Variants in SOX30 observed in about 807,000 individuals in gnomAD.
SOX30 encodes the protein SRY-box transcription factor 30.
A neutral mutation model predicts 58.6 loss-of-function variants in SOX30; 17 were observed. The ratio of observed to expected loss-of-function variants is 0.29; its 90% CI spans 0.20 to 0.44. The LOEUF is 0.44. SOX30 is among the 20% of genes least tolerant of loss of function. The probability of loss-of-function intolerance (pLI) is 1.00; values close to 1 mark genes in which losing one functional copy is unlikely to be tolerated. For synonymous variants in SOX30, 421 were observed against 400.2 expected (o/e 1.05, Z -0.62); for missense variants, 951 against 965.8 (o/e 0.98, Z 0.20).
chr5:157,649,923 A>G (rs796997344), intron 1 of SOX30, among the ~76,000 whole-genome samples: 18 of 152,270 alleles, frequency 1.2e-4, no homozygotes, highest in Middle Eastern at 6.8e-3. Flanking sequence ...AATTTTTTTG[A>G]AAGTCAGAGA....
chr5:157,667,849 T>C (rs1169102537), exon 2 of SOX30: 8 of 1,535,448 alleles, frequency 5.2e-6, no homozygotes, highest in Non-Finnish European at 7.0e-6. Flanking sequence ...CATTTCTCCA[T>C]GACCTGGAAC....
chr5:157,652,055 C>A lies in SOX30; in HGVS notation c.24G>T (p.Pro8=). The part of the protein sequence containing the change: MERARPE[P]PPQPRPLRPA... ...GACGCAACGGGCGCGGCTGAGGCGG[C>A]GGCTCGGGTCTGGCTCTCTCCATGG... The change falls in exon 1 of 5, where the codon CCG becomes CCT. Residue 8 remains proline (P), a synonymous_variant. Transcript: ENST00000265007. 7.0e-7 allele frequency: 1 copy of A among 1,420,660 alleles called. No homozygotes were observed. The highest frequency in any genetic ancestry group is 9.1e-7 in the Non-Finnish European group (1 of 1,095,744). The allele number at this position is 1,420,660 out of a possible 1,614,324, so 88.0% of individuals were successfully genotyped here.
chr5:157,662,014 A>G (rs1344427348), intron 2 of SOX30, among the ~76,000 whole-genome samples: 1 of 152,180 alleles, frequency 6.6e-6, no homozygotes, highest in Non-Finnish European at 1.5e-5. Context: ...TAATTTAATT[A>G]AACGCTTTAA....
rs375050064 is a variant in SOX30, at chr5:157,651,101, C to T, written c.967+11G>A. ...CAGTTTTGAAAACCCGACTCCCCTG[C>T]TGTCTAATACCTGCATCTGAGGGCA... On this transcript the variant is annotated intron_variant, in intron 1 of 4. Transcript: ENST00000265007. 2.8e-5 allele frequency: 43 copies of T among 1,514,058 alleles called. No homozygotes were observed. The African/African-American group carries it at 3.1e-4, about 11-fold the overall frequency. The allele number at this position is 1,514,058 out of a possible 1,614,324, so 93.8% of individuals were successfully genotyped here.
In SOX30 at chr5:157,651,169, G is replaced by T. The variant is rs1188838861; in HGVS notation, c.910C>A (p.Pro304Thr). The T allele has an allele frequency of 3.1e-6, 5 of 1,587,948 alleles. No individual in the cohort carries two copies. Among genetic ancestry groups the T allele is most frequent in the Admixed American group, 1.8e-5 (1 of 54,648 alleles). Residue 304 changes from proline (P) to threonine (T), a missense_variant, in exon 1 of 5, where the codon CCT (proline) becomes ACT (threonine). By Grantham distance (38) the Pro-to-Thr change is conservative (BLOSUM62 -1). This residue lies in a region of SOX30 where 60 missense variants were observed against 74.0 expected (regional missense o/e 0.81). Coordinates refer to ENST00000265007, the MANE Select transcript of SOX30 (RefSeq NM_178424.2). ...VPTKMQSLLEPSVKIETKDVP... is the reference protein window; with the variant it reads ...VPTKMQSLLETSVKIETKDVP... ...TCTTTGGTTTCAATTTTTACAGAAG[G>T]CTCCAGTAGGGACTGCATTTTAGTA... is the stretch of plus-strand genomic sequence containing the variant.
At chr5:157,666,475 GTAGACACACA>G (rs1021353361) in intron 2 of SOX30, among the ~76,000 whole-genome samples, 1 of 114,946 alleles carries the variant, frequency 8.7e-6, no homozygotes, top group African/African-American at 3.4e-5. Context: ...CTTTAGTCCA[GTAGACACACA>G]CACACACACA....
chr5:157,655,539 G>T (rs947876231), upstream of SOX30, among the ~76,000 whole-genome samples: 1 of 152,186 alleles, frequency 6.6e-6, no homozygotes, highest in African/African-American at 2.4e-5. Context: ...CGGATGACAG[G>T]GTTAGGCAGG....
chr5:157,642,211 G>A (rs1021415123), intron 3 of SOX30, among the ~76,000 whole-genome samples: 2 of 152,006 alleles, frequency 1.3e-5, no homozygotes, highest in African/African-American at 4.8e-5. Flanking sequence ...AGCTATTCAG[G>A]AGGCTGAGGC....
intron 2 of SOX30, among the ~76,000 whole-genome samples, chr5:157,664,839 A>G (rs1425977286): frequency 1.3e-5 from 2 of 152,256 alleles, no homozygotes; most frequent in Non-Finnish European, 2.9e-5. Flanking sequence ...CAACAGACAC[A>G]TGAAAAAATG....
chr5:157,649,057 T>C (rs1481171774), intron 1 of SOX30, among the ~76,000 whole-genome samples, 161 bp from the exon 2 acceptor site: 1 of 151,900 alleles, frequency 6.6e-6, no homozygotes, highest in African/African-American at 2.4e-5. Flanking sequence ...CCACAATTCC[T>C]TACATCCCCT....
intron 2 of SOX30, among the ~76,000 whole-genome samples, chr5:157,659,515 T>C (rs1288812159): frequency 6.6e-6 from 1 of 152,230 alleles, no homozygotes; most frequent in Non-Finnish European, 1.5e-5. Context: ...TAATTGACAA[T>C]AGATGCATGG....
At chr5:157,665,603 A>G (rs1037072208) in intron 2 of SOX30, among the ~76,000 whole-genome samples, 15 of 121,830 alleles carry the variant, frequency 1.2e-4, no homozygotes, top group Non-Finnish European at 2.1e-4. Context: ...TATAATAAAA[A>G]ATAAAATAAA....
At chr5:157,627,232 G>A (rs1758679339) in intron 4 of SOX30, among the ~76,000 whole-genome samples, 1 of 152,098 alleles carries the variant, frequency 6.6e-6, no homozygotes, top group South Asian at 2.1e-4. Context: ...GCATGGTGGT[G>A]CATGCCTGTA....
intron 2 of SOX30, among the ~76,000 whole-genome samples, chr5:157,659,302 C>A (rs1412429655): frequency 2.0e-5 from 3 of 152,116 alleles, no homozygotes; most frequent in Non-Finnish European, 2.9e-5. Context: ...TTCTGGTGAC[C>A]CAGATGAGCC....
intron 3 of SOX30, among the ~76,000 whole-genome samples, 187 bp from the exon 4 acceptor site, chr5:157,638,909 C>G (rs1023182543): frequency 6.6e-6 from 1 of 152,104 alleles, no homozygotes; most frequent in Non-Finnish European, 1.5e-5. Context: ...ATCTTGTTTT[C>G]TTGTTCATTT....
intron 4 of SOX30, among the ~76,000 whole-genome samples, chr5:157,628,658 T>C (rs1246071649): frequency 6.6e-6 from 1 of 151,598 alleles, no homozygotes; most frequent in Non-Finnish European, 1.5e-5. Context: ...TTTTTTTTTT[T>C]TGAGACAGAG....
chr5:157,651,872 C>A lies in SOX30; in HGVS notation c.207G>T (p.Arg69=). The part of the protein sequence containing the change: ...VASGLQPAVR[R]LLQVKPEQVL... Reference sequence around the variant, plus strand: ...CCTGCTCTGGCTTCACCTGCAGCAGCCGCCGCACCGCGGGCTGTAAGCCGG... The same window carrying A: ...CCTGCTCTGGCTTCACCTGCAGCAGACGCCGCACCGCGGGCTGTAAGCCGG... Residue 69 remains arginine (R), a synonymous_variant, in exon 1 of 5, where the codon CGG becomes CGT. Coordinates refer to ENST00000265007, the MANE Select transcript of SOX30 (RefSeq NM_178424.2). 6.4e-7 allele frequency: 1 copy of A among 1,555,726 alleles called. No individual in the cohort carries two copies.
At chr5:157,666,192 T>A (rs1459812764) in intron 2 of SOX30, among the ~76,000 whole-genome samples, 1 of 152,102 alleles carries the variant, frequency 6.6e-6, no homozygotes, top group Admixed American at 6.6e-5. Context: ...TCTCACTCTA[T>A]CACTCAAGCT....
intron 1 of SOX30, among the ~76,000 whole-genome samples, chr5:157,669,486 T>TTTTA (rs35157596): frequency 0.47 from 64,202 of 136,462 alleles, 15,480 homozygotes; most frequent in East Asian, 0.65. Context: ...CGCCCATCAA[T>TTTTA]TTTATTTATT....
Sources: allele counts gnomAD v4.1 joint callset (sites outside exome capture counted in the v4.1 genomes callset), GRCh38; gene constraint gnomAD v4.1.1; regional missense constraint gnomAD v4.1.1; transcripts MANE v1.5; gene names NCBI Gene and HGNC (gene_info 2026-07-23, HGNC 2026-07-21).